COQ5: variants seen among roughly 807,000 people sequenced by gnomAD.
COQ5 encodes 2-methoxy-6-polyprenyl-1,4-benzoquinol methylase, mitochondrial.
In COQ5, 27 loss-of-function variants were observed where a neutral mutation model predicts 40.5. The ratio of observed to expected loss-of-function variants is 0.67; its 90% CI spans 0.49 to 0.92. The LOEUF is 0.92. Ranked by LOEUF, COQ5 falls within the 40% of genes least tolerant of loss-of-function variation. The pLI is 0.00. For synonymous variants in COQ5, 141 were observed against 150.0 expected, an observed-to-expected ratio of 0.94 and a Z score of 0.44; for missense variants, 409 against 406.4, an observed-to-expected ratio of 1.01 and a Z score of -0.06.
At chr12:120,524,177 A>T (rs952646436) in intron 1 of COQ5, among the ~76,000 whole-genome samples, 1 of 152,078 alleles carries the variant, frequency 6.6e-6, no homozygotes, top group Non-Finnish European at 1.5e-5. Context: ...TCTCCATAGG[A>T]TCAACACAGA....
Position 120,503,541 on chromosome 12 carries a change from A to AG in COQ5, c.*242dup, listed in dbSNP as rs1369542551. Reference sequence around the variant, plus strand: ...ACACACCCTACAGCCAAGAGAAATTAGCAGTTGAGCAAAGATACAGACCAA... The same window carrying AG: ...ACACACCCTACAGCCAAGAGAAATTAGGCAGTTGAGCAAAGATACAGACCAA... On this transcript the variant is annotated 3_prime_UTR_variant, in exon 7 of 7. Transcript: ENST00000288532. The AG allele has an allele frequency of 1.6e-6, 1 of 629,150 alleles. No individual in the cohort carries two copies. The highest frequency in any genetic ancestry group is 3.3e-5 in the East Asian group (1 of 30,650). The allele number at this position is 629,150 out of a possible 1,614,324, so 39.0% of individuals were successfully genotyped here.
At chr12:120,527,397 T>A (rs1870001566) in intron 1 of COQ5, 1 of 152,020 alleles carries the variant, frequency 6.6e-6, no homozygotes, top group African/African-American at 2.4e-5. Context: ...AAATATCAAC[T>A]TCAGTATATA....
intron 1 of COQ5, among the ~76,000 whole-genome samples, chr12:120,527,942 G>A (rs1283593524): frequency 3.2e-5 from 4 of 126,682 alleles, no homozygotes; most frequent in Non-Finnish European, 4.7e-5. Context: ...AGCCGAGATC[G>A]CGCCACTGCC....
intron 1 of COQ5, 51 bp downstream of exon 1, chr12:120,528,889 C>T (rs1283178476): frequency 6.5e-7 from 1 of 1,538,120 alleles, no homozygotes; most frequent in Non-Finnish European, 9.0e-7. Context: ...CCAGAAGAAA[C>T]CAGACCATGG....
chr12:120,528,605 G>C (rs1479014416), intron 1 of COQ5, among the ~76,000 whole-genome samples: 1 of 152,082 alleles, frequency 6.6e-6, no homozygotes, highest in Non-Finnish European at 1.5e-5. Context: ...GAGGTCAGGA[G>C]TTCGAGACCA....
rs55830211 is a variant in COQ5 at position 120,527,988 on chromosome 12, CAAAAAAAAAAAAAAAA to C, written c.202+936_202+951del. On this transcript the variant is annotated intron_variant, in intron 1 of 6. Coordinates refer to ENST00000288532, the MANE Select transcript of COQ5 (RefSeq NM_032314.4). ...GGGGTGACAGAGAGAGACTCAGTCT[CAAAAAAAAAAAAAAAA>C]AAAAAAAAAAAAAAAAAAGAAACCC... 2.2e-3 allele frequency among the ~76,000 whole-genome samples: 51 copies of C among 23,034 alleles called. 2 individuals carry two copies. Among genetic ancestry groups the C allele is most frequent in the East Asian group, 0.012 (6 of 516 alleles). The allele number at this position is 23,034 out of a possible 152,430, so 15.1% of individuals were successfully genotyped here.
chr12:120,516,529 C>G (rs751538217), intron 3 of COQ5, 38 bp downstream of exon 3: 6 of 1,473,268 alleles, frequency 4.1e-6, no homozygotes, highest in Admixed American at 1.7e-5. Flanking sequence ...TATAAAGATA[C>G]AAATACTTCC....
At chr12:120,504,466 T>C (rs1868791669) in intron 5 of COQ5, 1 of 274,174 alleles carries the variant, frequency 3.6e-6, no homozygotes, top group Admixed American at 5.0e-5. Flanking sequence ...CAGGCTGGTC[T>C]TGAACTCCTG....
At chr12:120,527,667 A>ATTGATTATACATTGTAAAATG (rs1254079439) in intron 1 of COQ5, among the ~76,000 whole-genome samples, 6 of 152,006 alleles carry the variant, frequency 3.9e-5, no homozygotes, top group African/African-American at 1.5e-4. Context: ...TTGATTATAC[A>ATTGATTATACATTGTAAAATG]TTGATTATAC....
At chr12:120,523,320 G>A (rs1209133834) in intron 1 of COQ5, 1 of 301,636 alleles carries the variant, frequency 3.3e-6, no homozygotes, top group Non-Finnish European at 6.4e-6. Flanking sequence ...CTGGGCCACA[G>A]AGCGAGACTC....
intron 1 of COQ5, chr12:120,522,578 C>A: frequency 7.8e-6 from 5 of 644,048 alleles, no homozygotes; most frequent in Non-Finnish European, 1.4e-5. Flanking sequence ...ACAAATAGCA[C>A]AGGAGGACCC....
intron 4 of COQ5, 195 bp downstream of exon 4, chr12:120,509,822 G>T: frequency 1.7e-6 from 1 of 601,952 alleles, no homozygotes; most frequent in South Asian, 1.8e-5. Context: ...TTCCTGTAAG[G>T]TTCCTGTAAT....
At position 120,516,621 on chromosome 12, in the gene COQ5, T is replaced by G. The variant is rs748981096; in HGVS notation, c.520A>C (p.Lys174Gln). ...GSRVVVCDIN[K>Q]EMLKVGKQKA... ...TGCTTTCCAACCTTTAGCATCTCCTTGTTGATGTCACACACCACGACACGA... is the reference window on the plus strand; with the variant it reads ...TGCTTTCCAACCTTTAGCATCTCCTGGTTGATGTCACACACCACGACACGA... The change falls in exon 3 of 7, where the codon AAG (lysine) becomes CAG (glutamine). Residue 174 changes from lysine (K) to glutamine (Q), a missense_variant. Lys to Gln is a moderately conservative substitution (Grantham distance 53, BLOSUM62 1). Transcript: ENST00000288532. The G allele has an allele frequency of 1.1e-5, 18 of 1,614,214 alleles. No individual in the cohort carries two copies. The South Asian group carries it at 2.0e-4, about 18-fold the overall frequency.
chr12:120,507,982 T>C (rs1053631599), intron 4 of COQ5, among the ~76,000 whole-genome samples: 2 of 151,982 alleles, frequency 1.3e-5, no homozygotes, highest in Non-Finnish European at 2.9e-5. Context: ...TTGTTTACTT[T>C]TATTCTATCC....
chr12:120,515,113 AC>A (rs1321947454), intron 3 of COQ5, among the ~76,000 whole-genome samples: 1 of 148,722 alleles, frequency 6.7e-6, no homozygotes, highest in African/African-American at 2.5e-5. Flanking sequence ...TTTTTTTGAG[AC>A]AGGGTCTTAC....
At chr12:120,520,367 C>T (rs761925098) in intron 2 of COQ5, among the ~76,000 whole-genome samples, 1 of 151,572 alleles carries the variant, frequency 6.6e-6, no homozygotes. Context: ...GCTCTGTTGC[C>T]CAGGCTGGAG....
Position 120,529,034 on chromosome 12 carries a change from G to A in COQ5, c.108C>T (p.Asp36=), listed in dbSNP as rs139184415. The A allele has an allele frequency of 1.9e-5, 31 of 1,613,890 alleles. No individual in the cohort carries two copies. Among genetic ancestry groups the A allele is most frequent in the Non-Finnish European group, 2.6e-5 (31 of 1,180,012 alleles). The change falls in exon 1 of 7, where the codon GAC becomes GAT. Residue 36 remains aspartate (D), a synonymous_variant. Transcript: ENST00000288532. ...GGGACAAGAGCCGAGCACTTAGTAG[G>A]TCCCCGGGCCAAGAGCTACGAAGCC... ...LLGLRSSWPG[D]LLSARLLSQE...
At chr12:120,510,253 T>C in intron 3 of COQ5, 130 bp from the exon 4 acceptor site, 2 of 729,288 alleles carry the variant, frequency 2.7e-6, no homozygotes, top group Admixed American at 3.9e-5. Flanking sequence ...TGGATTCTAA[T>C]CCCAGCTTCA....
At chr12:120,505,065 G>T in intron 4 of COQ5, 82 bp from the exon 5 acceptor site, 1 of 1,148,920 alleles carries the variant, frequency 8.7e-7, no homozygotes, top group Non-Finnish European at 1.3e-6. Flanking sequence ...TTTAGCTTCT[G>T]CAGGCATTAA....
Sources: gnomAD v4.1 joint callset for allele counts (sites outside exome capture counted in the v4.1 genomes callset) on GRCh38, gnomAD v4.1.1 for gene constraint, MANE v1.5 for transcripts, NCBI Gene and HGNC (gene_info 2026-07-23, HGNC 2026-07-21) for gene names.